Variants in UBE2E2 observed in about 807,000 individuals in gnomAD.
UBE2E2 encodes ubiquitin conjugating enzyme E2 E2, also known as ubiquitin-conjugating enzyme E2 E2.
UBE2E2 carries 6 observed loss-of-function variants against 24.7 expected under a neutral mutation model. The ratio of observed to expected loss-of-function variants is 0.24; its 90% CI spans 0.13 to 0.48. The LOEUF (loss-of-function observed/expected upper bound fraction) is 0.48. Among genes scored for constraint, UBE2E2 ranks in the 20% least tolerant of loss-of-function variants. UBE2E2 has a pLI of 0.99. For synonymous variants in UBE2E2, 104 were observed against 83.6 expected (o/e 1.24, Z -1.33); for missense variants, 169 against 245.0 (o/e 0.69, Z 2.07).
At chr3:23,324,283 C>A (rs1438971098) in intron 3 of UBE2E2, among the ~76,000 whole-genome samples, 1 of 151,974 alleles carries the variant, frequency 6.6e-6, no homozygotes, top group Non-Finnish European at 1.5e-5. Flanking sequence ...AATTAAATTT[C>A]TTATAAAATG....
chr3:23,483,563 A>G (rs994360360), intron 3 of UBE2E2, among the ~76,000 whole-genome samples: 1 of 152,164 alleles, frequency 6.6e-6, no homozygotes, highest in African/African-American at 2.4e-5. Context: ...TGTGGATTTT[A>G]TTATGTGTTT....
chr3:23,334,980 GAGAA>G (rs1359548848), intron 3 of UBE2E2, among the ~76,000 whole-genome samples: 1 of 152,144 alleles, frequency 6.6e-6, no homozygotes, highest in Non-Finnish European at 1.5e-5. Flanking sequence ...GAAAATTTGA[GAGAA>G]AGGAAACTTT....
chr3:23,571,766 A>G (rs1413650993), intron 5 of UBE2E2, among the ~76,000 whole-genome samples: 1 of 152,168 alleles, frequency 6.6e-6, no homozygotes, highest in Non-Finnish European at 1.5e-5. Context: ...CTCCTTGAAG[A>G]CACTCTGAAT....
At chr3:23,308,052 A>G (rs1467306115) in intron 3 of UBE2E2, among the ~76,000 whole-genome samples, 1 of 152,146 alleles carries the variant, frequency 6.6e-6, no homozygotes, top group African/African-American at 2.4e-5. Context: ...CCCCCCAAAT[A>G]CTGTAGTAAT....
At chr3:23,247,449 C>T (rs11712582) in intron 3 of UBE2E2, among the ~76,000 whole-genome samples, 25,192 of 151,260 alleles carry the variant, frequency 0.17, 2,210 homozygotes, top group South Asian at 0.23. Flanking sequence ...CTGCCTCCCG[C>T]GTACAAGCGA....
At chr3:23,393,836 T>G (rs36124326) in intron 3 of UBE2E2, among the ~76,000 whole-genome samples, 9,604 of 152,206 alleles carry the variant, frequency 0.063, 463 homozygotes, top group Non-Finnish European at 0.088. Flanking sequence ...AATTCACATT[T>G]TAATATTCAT....
intron 3 of UBE2E2, among the ~76,000 whole-genome samples, chr3:23,286,290 C>T (rs1018112795): frequency 6.6e-6 from 1 of 152,024 alleles, no homozygotes; most frequent in Non-Finnish European, 1.5e-5. Context: ...TTTTATTTTT[C>T]ATGGTATAAT....
At chr3:23,246,579 T>C (rs934436633) in intron 3 of UBE2E2, among the ~76,000 whole-genome samples, 3 of 151,742 alleles carry the variant, frequency 2.0e-5, no homozygotes, top group Admixed American at 6.6e-5. Flanking sequence ...GATGGGGGCC[T>C]TTCCATGTCG....
chr3:23,389,369 C>T lies in UBE2E2; in HGVS notation c.228-110239C>T, dbSNP rs578125810. Among the ~76,000 whole-genome samples the T allele has an allele frequency of 2.0e-5, 3 of 152,276 alleles. No individual in the cohort carries two copies. The South Asian group carries it at 6.2e-4, about 32-fold the overall frequency. On this transcript the variant is annotated intron_variant, in intron 3 of 5. Coordinates refer to ENST00000396703, the MANE Select transcript of UBE2E2 (RefSeq NM_152653.4). ...TACATTTAATCACACACATCTCAGTCAGAGCTCTAGGGCTTTATTACGAAT... is the reference window on the plus strand; with the variant it reads ...TACATTTAATCACACACATCTCAGTTAGAGCTCTAGGGCTTTATTACGAAT...
chr3:23,237,358 A>C (rs1697138508), intron 3 of UBE2E2, among the ~76,000 whole-genome samples: 1 of 152,228 alleles, frequency 6.6e-6, no homozygotes, highest in Admixed American at 6.5e-5. Flanking sequence ...TTACTAAGGC[A>C]GATAACTTCT....
Position 23,392,882 on chromosome 3 carries a change from A to G in UBE2E2, c.228-106726A>G, listed in dbSNP as rs1297524876. On this transcript the variant is annotated intron_variant, in intron 3 of 5. Transcript: ENST00000396703. ...TGAGAAGAGAGAGGAGTAGAGTAAG[A>G]AAATCCCAGGCTGAGAACAGCAAGT... Among the ~76,000 whole-genome samples, 18 of 152,178 alleles carry G rather than the reference A, an allele frequency of 1.2e-4. 1 individual carries two copies.
chr3:23,507,501 T>G (rs1400185814), intron 4 of UBE2E2, among the ~76,000 whole-genome samples: 4 of 152,208 alleles, frequency 2.6e-5, no homozygotes, highest in Admixed American at 2.0e-4. Context: ...TTGAATTAGT[T>G]AAATGCATGT....
chr3:23,521,263 G>A (rs1038034497), intron 4 of UBE2E2, among the ~76,000 whole-genome samples: 1 of 152,166 alleles, frequency 6.6e-6, no homozygotes, highest in Non-Finnish European at 1.5e-5. Flanking sequence ...GAAAAGAAAC[G>A]AAAAGGAGGA....
At chr3:23,502,944 C>T (rs890235584) in intron 4 of UBE2E2, among the ~76,000 whole-genome samples, 1 of 152,088 alleles carries the variant, frequency 6.6e-6, no homozygotes. Context: ...GAGTATTTAA[C>T]CACCAATGAT....
At chr3:23,302,900 TCTC>T (rs1699138285) in intron 3 of UBE2E2, among the ~76,000 whole-genome samples, 2 of 152,154 alleles carry the variant, frequency 1.3e-5, no homozygotes, top group African/African-American at 4.8e-5. Context: ...CCCTAATTTT[TCTC>T]CTTTGTGTTG....
intron 3 of UBE2E2, among the ~76,000 whole-genome samples, chr3:23,406,168 A>C (rs778462): frequency 0.66 from 100,350 of 152,234 alleles, 34,771 homozygotes; most frequent in African/African-American, 0.88. Flanking sequence ...GTTAGACAAT[A>C]TTTCCAAGGC....
At chr3:23,371,694 ATAAC>A (rs1378689394) in intron 3 of UBE2E2, among the ~76,000 whole-genome samples, 3 of 152,220 alleles carry the variant, frequency 2.0e-5, no homozygotes, top group Non-Finnish European at 4.4e-5. Context: ...TTAATTGAGA[ATAAC>A]TAGAGAATGA....
At chr3:23,372,642 A>C (rs1176330537) in intron 3 of UBE2E2, among the ~76,000 whole-genome samples, 2 of 152,238 alleles carry the variant, frequency 1.3e-5, no homozygotes, top group Admixed American at 1.3e-4. Context: ...ATAGAAGCAC[A>C]TTTAAAGATA....
At chr3:23,266,256 A>T (rs944157177) in intron 3 of UBE2E2, among the ~76,000 whole-genome samples, 67 of 152,116 alleles carry the variant, frequency 4.4e-4, no homozygotes, top group African/African-American at 1.4e-3. Context: ...GGTCTTTACA[A>T]TTTGGCATGA....
Sources: allele counts gnomAD v4.1 joint callset (sites outside exome capture counted in the v4.1 genomes callset), GRCh38; gene constraint gnomAD v4.1.1; transcripts MANE v1.5; gene names NCBI Gene and HGNC (gene_info 2026-07-23, HGNC 2026-07-21).